ATAD2: variants seen among roughly 807,000 people sequenced by gnomAD.
ATAD2 encodes the protein ATPase family AAA domain containing 2, also known as ATPase family AAA domain-containing protein 2.
Under a neutral mutation model 168.9 loss-of-function variants are expected in ATAD2, and 62 were observed. The ratio of observed to expected loss-of-function variants is 0.37; its 90% confidence interval spans 0.30 to 0.45. The LOEUF is 0.45. ATAD2 is among the 20% of genes least tolerant of loss of function. ATAD2 has a pLI of 1.00. For missense variants in ATAD2, 1,419 were observed against 1,667.8 expected, an observed-to-expected ratio of 0.85 and a Z score of 2.60; for synonymous variants, 613 against 571.6, an observed-to-expected ratio of 1.07 and a Z score of -1.03.
rs760105436 is a variant in ATAD2, at chr8:123,346,094, A to G, written c.2524T>C (p.Cys842Arg). The change falls in exon 18 of 28, where the codon TGT becomes CGT. Residue 842 changes from cysteine to arginine, a missense_variant. By Grantham distance (180) the Cys-to-Arg change is radical. Transcript: ENST00000287394. ...GGGCACCAACAAATTACCTGGGCAC[A>G]TGTTTCTTCAGGGGATGTAGTACTA... Reference protein sequence around the residue: ...GVSTTSPEETCAQVIREAKRT... With the variant: ...GVSTTSPEETRAQVIREAKRT... 3 of 1,530,002 alleles carry G rather than the reference A, an allele frequency of 2.0e-6. No individual in the cohort carries two copies. The highest frequency in any genetic ancestry group is 1.4e-5 in the African/African-American group (1 of 70,484). 94.8% of individuals were successfully genotyped at this position (1,530,002 alleles called of 1,614,324 possible).
intron 27 of ATAD2, among the ~76,000 whole-genome samples, chr8:123,321,849 C>T (rs1409059628): frequency 6.6e-6 from 1 of 152,086 alleles, no homozygotes. Context: ...GCAGGATTGC[C>T]TGAGCTCAGG....
chr8:123,369,736 A>G (rs1829083221), intron 7 of ATAD2, 85 bp downstream of exon 7: 2 of 1,212,408 alleles, frequency 1.6e-6, no homozygotes, highest in Admixed American at 4.3e-5. Context: ...GAAAAATACC[A>G]AAAAGACAAG....
intron 8 of ATAD2, among the ~76,000 whole-genome samples, chr8:123,367,975 G>A (rs978245476): frequency 2.6e-5 from 4 of 152,046 alleles, no homozygotes; most frequent in Non-Finnish European, 2.9e-5. Context: ...CTAAGGCTTC[G>A]GTCTTACTTC....
chr8:123,337,319 C>T (rs990857474), intron 21 of ATAD2, among the ~76,000 whole-genome samples: 5 of 151,448 alleles, frequency 3.3e-5, no homozygotes, highest in South Asian at 2.1e-4. Context: ...GCCGAGATCG[C>T]GCCATTGCAT....
At position 123,403,032 on chromosome 8, in the gene ATAD2, C is replaced by T. The variant is rs117995461; in HGVS notation, c.-2281-1857G>A. 3.9e-3 allele frequency among the ~76,000 whole-genome samples: 598 copies of T among 152,152 alleles called. 13 individuals carry two copies. The East Asian group carries it at 0.048, about 12-fold the overall frequency. Reference sequence around the variant, plus strand: ...GAGTTGATTGCTAGAGAAGTAGCTACTGAGAATAGAAGGGTATGCATGGGC... The same window carrying T: ...GAGTTGATTGCTAGAGAAGTAGCTATTGAGAATAGAAGGGTATGCATGGGC... On this transcript the variant is annotated intron_variant, in intron 1 of 28. Coordinates refer to the ATAD2 transcript ENST00000521903.
chr8:123,413,229 C>T (rs919414411), intron 1 of ATAD2, among the ~76,000 whole-genome samples: 3 of 147,532 alleles, frequency 2.0e-5, no homozygotes, highest in Non-Finnish European at 3.0e-5. Flanking sequence ...TGAGCGCCCC[C>T]CCCCCCCCAA....
chr8:123,392,689 T>C (rs1812634737), intron 1 of ATAD2, among the ~76,000 whole-genome samples: 1 of 151,810 alleles, frequency 6.6e-6, no homozygotes, highest in African/African-American at 2.4e-5. Flanking sequence ...AGCAGAGGTA[T>C]ACCAAATGGA....
chr8:123,389,369 G>A (rs1321193958), intron 1 of ATAD2, among the ~76,000 whole-genome samples: 1 of 147,528 alleles, frequency 6.8e-6, no homozygotes, highest in Non-Finnish European at 1.5e-5. Context: ...GCCGGGCGTG[G>A]TGGCTCACAT....
Position 123,389,178 on chromosome 8 carries a change from G to A in ATAD2, c.171+7009C>T, listed in dbSNP as rs1478964272. Among the ~76,000 whole-genome samples, 21 of 135,124 alleles carry A rather than the reference G, an allele frequency of 1.6e-4. No homozygotes were observed. In the East Asian group the frequency reaches 1.8e-3, roughly 12 times the overall value. The allele number at this position is 135,124 out of a possible 152,430, so 88.6% of individuals were successfully genotyped here. On this transcript the variant is annotated intron_variant, in intron 1 of 27. Coordinates refer to ENST00000287394, the MANE Select transcript of ATAD2 (RefSeq NM_014109.4). ...TTTTTAGTAGAAATGTGGTTTCACC[G>A]TGTTAGCCAGGATGGTCTCGATCTC...
chr8:123,325,748 G>T (rs1285615998), intron 26 of ATAD2, 145 bp downstream of exon 26: 4 of 1,062,846 alleles, frequency 3.8e-6, no homozygotes, highest in Non-Finnish European at 5.3e-6. Context: ...AGGGGAAGGA[G>T]AAGAACAGTA....
Position 123,356,418 on chromosome 8 carries a change from T to C in ATAD2, c.1617A>G (p.Val539=), listed in dbSNP as rs1379883988. 1 of 1,612,254 alleles carries C rather than the reference T, an allele frequency of 6.2e-7. No homozygotes were observed. The highest frequency in any genetic ancestry group is 1.3e-5 in the African/African-American group (1 of 74,940). The change falls in exon 13 of 28, where the codon GTA becomes GTG. Residue 539 remains valine, a synonymous_variant. Transcript: ENST00000287394. The part of the protein sequence containing the change: ...FFDEIDGLAP[V]RSSRQDQIHS... ...GAATCTGATCTTGCCTGCTTGACCG[T>C]ACTGGAGCCAGACCATCAATTTCGT...
intron 8 of ATAD2, among the ~76,000 whole-genome samples, chr8:123,362,996 A>G (rs1828869814): frequency 1.3e-5 from 2 of 152,224 alleles, no homozygotes; most frequent in Admixed American, 1.3e-4. Flanking sequence ...ACAAATATAC[A>G]AGAAAATTTT....
intron 21 of ATAD2, among the ~76,000 whole-genome samples, chr8:123,337,037 GCCT>G (rs915044249): frequency 2.9e-5 from 4 of 137,982 alleles, no homozygotes; most frequent in African/African-American, 1.1e-4. Context: ...ACAGAGTGAG[GCCT>G]CAACCCTTAC....
In ATAD2 at chr8:123,320,889, T is replaced by G. The variant is rs1827449115; in HGVS notation, c.*245A>C. The G allele has an allele frequency of 2.5e-6, 1 of 393,852 alleles. No individual in the cohort carries two copies. Among genetic ancestry groups the G allele is most frequent in the African/African-American group, 2.1e-5 (1 of 47,774 alleles). The allele number at this position is 393,852 out of a possible 1,614,324, so 24.4% of individuals were successfully genotyped here. ...TAACTTTATTAAGAGTTGGCCAAAC[T>G]TCAACTATTATTACTATTACTACAG... On this transcript the variant is annotated 3_prime_UTR_variant, in exon 28 of 28. Coordinates refer to ENST00000287394, the MANE Select transcript of ATAD2 (RefSeq NM_014109.4).
chr8:123,413,990 A>G (rs1482733638), intron 1 of ATAD2, among the ~76,000 whole-genome samples: 2 of 151,200 alleles, frequency 1.3e-5, no homozygotes, highest in African/African-American at 4.9e-5. Flanking sequence ...CACCTCCACA[A>G]GAAAATACAC....
At chr8:123,403,851 G>T (rs1393048572) in intron 1 of ATAD2, among the ~76,000 whole-genome samples, 3 of 152,150 alleles carry the variant, frequency 2.0e-5, no homozygotes, top group African/African-American at 4.8e-5. Context: ...GATCCTGTCT[G>T]CCTTCAACAG....
chr8:123,388,215 A>G (rs934971026), intron 1 of ATAD2, among the ~76,000 whole-genome samples: 1 of 152,082 alleles, frequency 6.6e-6, no homozygotes, highest in African/African-American at 2.4e-5. Flanking sequence ...TTATTTTTAG[A>G]GATAGGATCT....
Position 123,371,008 on chromosome 8 carries a change from A to G in ATAD2, c.640-18T>C, listed in dbSNP as rs1452450039. On this transcript the variant is annotated intron_variant, in intron 5 of 27. Transcript: ENST00000287394. ...AGATTGCTCTAAAAATGTTTAAATA[A>G]AAGCCATTAACATTTGGAATCTATT... 8 of 1,514,204 alleles carry G rather than the reference A, an allele frequency of 5.3e-6. No individual in the cohort carries two copies. The East Asian group carries it at 1.4e-4, about 26-fold the overall frequency. 93.8% of individuals were successfully genotyped at this position (1,514,204 alleles called of 1,614,324 possible).
In ATAD2 at chr8:123,337,736, T is replaced by C. The variant is rs776792810; in HGVS notation, c.2940A>G (p.Glu980=). ...LTAEEVKRLE[E]QEEDTFRELR... is the part of the protein sequence containing the mutation. ...GTTCTCTAAATGTATCTTCTTCTTG[T>C]TCTTCTAGTCGTTTCACTTCTTCTG... The change falls in exon 21 of 28, where the codon GAA becomes GAG. Residue 980 remains glutamate, a synonymous_variant. Coordinates refer to ENST00000287394, the MANE Select transcript of ATAD2 (RefSeq NM_014109.4). 6.2e-6 allele frequency: 10 copies of C among 1,613,870 alleles called. No individual in the cohort carries two copies. The South Asian group carries it at 7.7e-5, about 12-fold the overall frequency.
Sources: allele counts gnomAD v4.1 joint callset (sites outside exome capture counted in the v4.1 genomes callset), GRCh38; gene constraint gnomAD v4.1.1; transcripts MANE v1.5; gene names NCBI Gene and HGNC (gene_info 2026-07-23, HGNC 2026-07-21).